The following KCNQ5 variants were observed in gnomAD, a reference collection of about 807,000 sequenced individuals.
KCNQ5 encodes potassium voltage-gated channel subfamily Q member 5, also known as potassium voltage-gated channel subfamily KQT member 5.
In KCNQ5, 30 loss-of-function variants were observed where a neutral mutation model predicts 98.2. That is an observed-to-expected ratio of 0.31 (90% confidence interval 0.23 to 0.41). KCNQ5 has a LOEUF of 0.41. Among genes scored for constraint, KCNQ5 ranks in the 10% least tolerant of loss-of-function variants. The pLI, the probability that KCNQ5 is intolerant of heterozygous loss-of-function variation, is 1.00. For missense variants in KCNQ5, 835 were observed against 1,182.5 expected (o/e 0.71, Z 4.31); for synonymous variants, 458 against 449.4 (o/e 1.02, Z -0.24).
chr6:72,703,712 T>TA (rs1213089037), intron 1 of KCNQ5, among the ~76,000 whole-genome samples: 4 of 152,118 alleles, frequency 2.6e-5, no homozygotes, highest in African/African-American at 4.8e-5. Flanking sequence ...TCTGATTTTT[T>TA]AAAAAAACAT....
At position 72,821,793 on chromosome 6, in the gene KCNQ5, T is replaced by C. The variant is rs193098503; in HGVS notation, c.399-182115T>C. ...TGTTGCATTTCTTGGGGCCTGGGTC[T>C]GTAGTACCCTCTCACTGCAGTGTCT... On this transcript the variant is annotated intron_variant, in intron 1 of 13. Coordinates refer to ENST00000370398, the MANE Select transcript of KCNQ5 (RefSeq NM_019842.4). 9.9e-4 allele frequency among the ~76,000 whole-genome samples: 151 copies of C among 152,248 alleles called. 1 individual carries two copies. The highest frequency in any genetic ancestry group is 2.0e-3 in the Non-Finnish European group (133 of 68,006).
At chr6:72,663,046 C>T (rs957065195) in intron 1 of KCNQ5, among the ~76,000 whole-genome samples, 6 of 151,946 alleles carry the variant, frequency 3.9e-5, no homozygotes, top group Non-Finnish European at 7.4e-5. Context: ...AACAGAAAAC[C>T]GAACACTGCA....
At position 73,041,992 on chromosome 6, in the gene KCNQ5, G is replaced by A. The variant is rs139236005; in HGVS notation, c.546G>A (p.Ala182=). 276 of 1,613,716 alleles carry A rather than the reference G, an allele frequency of 1.7e-4. 1 individual carries two copies. Among genetic ancestry groups the A allele is most frequent in the South Asian group, 3.4e-4 (31 of 91,082 alleles). Residue 182 remains alanine, a synonymous_variant, in exon 3 of 14, where the codon GCG becomes GCA. Transcript: ENST00000370398. Reference sequence around the variant, plus strand: ...AGTTCATCATTCGAATCTGGTCTGCGGGTTGCTGTTGTCGATATAGAGGAT... The same window carrying A: ...AGTTCATCATTCGAATCTGGTCTGCAGGTTGCTGTTGTCGATATAGAGGAT... ...GLEFIIRIWS[A]GCCCRYRGWQ...
intron 10 of KCNQ5, among the ~76,000 whole-genome samples, chr6:73,139,809 T>C (rs1776631744): frequency 6.6e-6 from 1 of 152,178 alleles, no homozygotes; most frequent in Non-Finnish European, 1.5e-5. Flanking sequence ...TACAGTTCCC[T>C]TCCTCTCCAC....
intron 1 of KCNQ5, among the ~76,000 whole-genome samples, chr6:72,877,334 G>T (rs540112958): frequency 6.6e-6 from 1 of 152,196 alleles, no homozygotes; most frequent in East Asian, 1.9e-4. Flanking sequence ...CTGTTCCTGT[G>T]TTAGTTTGCT....
chr6:72,737,396 T>G lies in KCNQ5; in HGVS notation c.398+114809T>G, dbSNP rs191320899. On this transcript the variant is annotated intron_variant, in intron 1 of 13. Coordinates refer to ENST00000370398, the MANE Select transcript of KCNQ5 (RefSeq NM_019842.4). ...GTCTAATCAGCAATCAAACAAAGCT[T>G]GCACTGCCTCTGGTGGGACAACAAT... Among the ~76,000 whole-genome samples, 75 of 152,134 alleles carry G rather than the reference T, an allele frequency of 4.9e-4. No homozygotes were observed. The Middle Eastern group carries it at 0.014, about 28-fold the overall frequency.
At chr6:73,131,041 A>G (rs562063550) in intron 9 of KCNQ5, among the ~76,000 whole-genome samples, 97 of 152,288 alleles carry the variant, frequency 6.4e-4, no homozygotes, top group African/African-American at 2.2e-3. Context: ...ATTTTTGTCA[A>G]CTTTAAGTGC....
chr6:72,712,401 C>T (rs1209157898), intron 1 of KCNQ5, among the ~76,000 whole-genome samples: 1 of 152,156 alleles, frequency 6.6e-6, no homozygotes, highest in Non-Finnish European at 1.5e-5. Flanking sequence ...GCAAGCCTAG[C>T]ATATGAATGA....
chr6:73,154,017 G>C (rs754076765), intron 10 of KCNQ5, among the ~76,000 whole-genome samples: 2 of 151,412 alleles, frequency 1.3e-5, no homozygotes, highest in Non-Finnish European at 2.9e-5. Context: ...TGCTTTAAAA[G>C]CTCAAAAGGA....
intron 1 of KCNQ5, among the ~76,000 whole-genome samples, chr6:72,857,131 C>T (rs1320133384): frequency 6.6e-6 from 1 of 152,152 alleles, no homozygotes; most frequent in African/African-American, 2.4e-5. Flanking sequence ...ACTGCCTTTC[C>T]CAACAGAAAG....
intron 1 of KCNQ5, among the ~76,000 whole-genome samples, chr6:72,912,623 T>A (rs1435432694): frequency 2.0e-5 from 3 of 152,236 alleles, no homozygotes; most frequent in African/African-American, 7.2e-5. Flanking sequence ...CCTAGTATAA[T>A]AATCACAATC....
In KCNQ5 at chr6:72,655,022, G is replaced by GTCTTTCTTTCCT. The variant is rs1254231605; in HGVS notation, c.398+32438_398+32439insTTCTTTCCTTCT. On this transcript the variant is annotated intron_variant, in intron 1 of 13. Transcript: ENST00000370398. The stretch of plus-strand genomic sequence containing the variant: ...TTTCCATGTTTAATAGCCAAGGTCT[G>GTCTTTCTTTCCT]TCTGTCTTTCTTTCTTTCTTTCTTT... 8.3e-3 allele frequency among the ~76,000 whole-genome samples: 988 copies of GTCTTTCTTTCCT among 119,052 alleles called. 26 individuals carry two copies. The highest frequency in any genetic ancestry group is 0.045 in the East Asian group (137 of 3,026). The allele number at this position is 119,052 out of a possible 152,430, so 78.1% of individuals were successfully genotyped here. A position where few individuals can be genotyped will look rare whatever the true frequency, so the allele number is the denominator to read the frequency against.
At chr6:73,050,208 C>T (rs1582258411) in intron 3 of KCNQ5, among the ~76,000 whole-genome samples, 2 of 136,898 alleles carry the variant, frequency 1.5e-5, no homozygotes, top group East Asian at 4.3e-4. Context: ...CAGAGTAAGA[C>T]AGAGAGAGAG....
At chr6:72,655,945 G>A (rs1766170457) in intron 1 of KCNQ5, among the ~76,000 whole-genome samples, 1 of 152,116 alleles carries the variant, frequency 6.6e-6, no homozygotes, top group Admixed American at 6.5e-5. Flanking sequence ...ATCTATATAT[G>A]GGTCTTCCAA....
At chr6:73,031,390 G>GA (rs1489086365) in intron 2 of KCNQ5, among the ~76,000 whole-genome samples, 1 of 152,206 alleles carries the variant, frequency 6.6e-6, no homozygotes, top group Non-Finnish European at 1.5e-5. Context: ...GGTCAGAAAT[G>GA]AAAATCATAG....
intron 1 of KCNQ5, among the ~76,000 whole-genome samples, chr6:72,749,403 T>C (rs7749632): frequency 0.11 from 16,984 of 152,054 alleles, 3,034 homozygotes; most frequent in African/African-American, 0.38. Flanking sequence ...GCTTTTGATG[T>C]CATTGGTTAG....
chr6:72,796,981 T>C (rs185566635), intron 1 of KCNQ5, among the ~76,000 whole-genome samples: 22 of 152,310 alleles, frequency 1.4e-4, no homozygotes, highest in Admixed American at 1.4e-3. Context: ...AGCAGAGATA[T>C]AATATTGCAA....
intron 5 of KCNQ5, among the ~76,000 whole-genome samples, chr6:73,101,971 G>T (rs980144585): frequency 4.0e-5 from 6 of 151,872 alleles, no homozygotes; most frequent in Non-Finnish European, 5.9e-5. Context: ...AGAAAAACTG[G>T]AGAAATCACA....
chr6:73,088,394 T>TATA (rs1483427411), intron 5 of KCNQ5, among the ~76,000 whole-genome samples: 2 of 152,214 alleles, frequency 1.3e-5, no homozygotes, highest in Non-Finnish European at 2.9e-5. Context: ...CATTCTCTAT[T>TATA]GAGTTTCCAT....
Sources: allele counts gnomAD v4.1 joint callset (sites outside exome capture counted in the v4.1 genomes callset), GRCh38; gene constraint gnomAD v4.1.1; transcripts MANE v1.5; gene names NCBI Gene and HGNC (gene_info 2026-07-23, HGNC 2026-07-21).